OSBPL1A: variants seen among roughly 807,000 people sequenced by gnomAD.
OSBPL1A encodes the protein oxysterol-binding protein-related protein 1.
A neutral mutation model predicts 137.1 loss-of-function variants in OSBPL1A; 80 were observed. The observed-to-expected ratio is 0.58, with a 90% confidence interval of 0.49 to 0.70. The LOEUF is 0.70. Among genes scored for constraint, OSBPL1A ranks in the 30% least tolerant of loss-of-function variants. The probability of loss-of-function intolerance (pLI) is 0.00; values close to 1 mark genes in which losing one functional copy is unlikely to be tolerated. For synonymous variants in OSBPL1A, 365 were observed against 389.7 expected, an observed-to-expected ratio of 0.94 and a Z score of 0.75; for missense variants, 970 against 1,129.4, an observed-to-expected ratio of 0.86 and a Z score of 2.02.
At chr18:24,267,695 A>T (rs2089612758) in intron 15 of OSBPL1A, among the ~76,000 whole-genome samples, 2 of 152,220 alleles carry the variant, frequency 1.3e-5, no homozygotes, top group Admixed American at 6.5e-5. Flanking sequence ...CCCTTTTAAT[A>T]GACACCAAAG....
intron 1 of OSBPL1A, among the ~76,000 whole-genome samples, chr18:24,394,305 C>A (rs1907578499): frequency 6.6e-6 from 1 of 152,152 alleles, no homozygotes; most frequent in African/African-American, 2.4e-5. Flanking sequence ...TTATCTTACC[C>A]ATATTCGGTT....
chr18:24,255,121 G>A (rs2089231797), intron 15 of OSBPL1A, among the ~76,000 whole-genome samples: 1 of 152,032 alleles, frequency 6.6e-6, no homozygotes, highest in African/African-American at 2.4e-5. Flanking sequence ...AAATTCTTAA[G>A]ACACATAAAC....
At chr18:24,191,272 C>T (rs889911141) in intron 18 of OSBPL1A, among the ~76,000 whole-genome samples, 12 of 152,162 alleles carry the variant, frequency 7.9e-5, no homozygotes, top group Admixed American at 6.5e-4. Context: ...AAATCACACA[C>T]ACAAAAATTC....
intron 4 of OSBPL1A, among the ~76,000 whole-genome samples, chr18:24,354,465 G>A (rs1337800429): frequency 1.3e-5 from 2 of 152,136 alleles, no homozygotes; most frequent in East Asian, 1.9e-4. Context: ...CTCTGCAGAG[G>A]TAACACCGAA....
At chr18:24,301,825 T>C (rs1020140456) in intron 14 of OSBPL1A, among the ~76,000 whole-genome samples, 8 of 152,372 alleles carry the variant, frequency 5.3e-5, no homozygotes, top group Non-Finnish European at 7.3e-5. Context: ...CTTGGACAGA[T>C]ACAGAATACT....
chr18:24,183,429 C>A (rs1234198213), intron 18 of OSBPL1A, among the ~76,000 whole-genome samples: 1 of 149,904 alleles, frequency 6.7e-6, no homozygotes, highest in Non-Finnish European at 1.5e-5. Context: ...TTTTCTTTTT[C>A]TTTTTCTTTT....
intron 17 of OSBPL1A, among the ~76,000 whole-genome samples, chr18:24,200,561 CAAAAA>C (rs893025554): frequency 5.7e-5 from 4 of 70,462 alleles, no homozygotes; most frequent in Admixed American, 1.7e-4. Context: ...GACTCCGTGT[CAAAAA>C]AAAAAAAAAA....
intron 17 of OSBPL1A, among the ~76,000 whole-genome samples, chr18:24,202,893 C>T (rs2087260767): frequency 6.6e-6 from 1 of 152,162 alleles, no homozygotes; most frequent in African/African-American, 2.4e-5. Context: ...ATAATTAAAA[C>T]AATCTTCTCG....
At chr18:24,186,572 T>C (rs563891533) in intron 18 of OSBPL1A, among the ~76,000 whole-genome samples, 63 of 152,242 alleles carry the variant, frequency 4.1e-4, no homozygotes, top group African/African-American at 1.5e-3. Context: ...CCAGATTTCC[T>C]AAAATGAACA....
At chr18:24,318,524 TAA>T (rs2090778925) in intron 9 of OSBPL1A, 75 bp downstream of exon 9, 2 of 1,250,816 alleles carry the variant, frequency 1.6e-6, no homozygotes, top group South Asian at 2.6e-5. Context: ...AATGATTTTT[TAA>T]AAGTTTTAAA....
intron 15 of OSBPL1A, among the ~76,000 whole-genome samples, chr18:24,262,521 T>A (rs2038946709): frequency 6.6e-6 from 1 of 152,326 alleles, no homozygotes; most frequent in Non-Finnish European, 1.5e-5. Context: ...GTTTTGCTGA[T>A]GAAAATAACT....
Position 24,376,038 on chromosome 18 carries a change from T to C in OSBPL1A, c.121+1375A>G, listed in dbSNP as rs546439340. ...TGAGTGTTACAGCTCATAAAAGCAGTGTGGACCCAAAGAGTGAGCAGTAGC... is the reference window on the plus strand; with the variant it reads ...TGAGTGTTACAGCTCATAAAAGCAGCGTGGACCCAAAGAGTGAGCAGTAGC... On this transcript the variant is annotated intron_variant, in intron 2 of 27. Coordinates refer to ENST00000319481, the MANE Select transcript of OSBPL1A (RefSeq NM_080597.4). Among the ~76,000 whole-genome samples, 646 of 152,318 alleles carry C rather than the reference T, an allele frequency of 4.2e-3. 5 individuals carry two copies. The highest frequency in any genetic ancestry group is 0.015 in the African/African-American group (615 of 41,576).
intron 17 of OSBPL1A, among the ~76,000 whole-genome samples, chr18:24,212,291 C>T (rs1159661104): frequency 6.6e-6 from 1 of 151,740 alleles, no homozygotes; most frequent in Non-Finnish European, 1.5e-5. Context: ...ATCTCCTGAC[C>T]TCGTGATCCA....
At chr18:24,396,580 A>G (rs768368250) in intron 1 of OSBPL1A, among the ~76,000 whole-genome samples, 1 of 152,122 alleles carries the variant, frequency 6.6e-6, no homozygotes, top group Non-Finnish European at 1.5e-5. Context: ...TTTTCCCCCT[A>G]TAAACTGTAG....
At chr18:24,279,321 T>C (rs2089909902) in intron 15 of OSBPL1A, among the ~76,000 whole-genome samples, 1 of 151,368 alleles carries the variant, frequency 6.6e-6, no homozygotes, top group South Asian at 2.1e-4. Flanking sequence ...CCCAGCTACT[T>C]GTGAGGCTGA....
intron 1 of OSBPL1A, among the ~76,000 whole-genome samples, chr18:24,396,362 G>A (rs1192937455): frequency 6.6e-6 from 1 of 152,056 alleles, no homozygotes; most frequent in East Asian, 1.9e-4. Flanking sequence ...GATTCACAAC[G>A]AGATATTTAG....
chr18:24,187,710 C>T (rs1471371765), intron 18 of OSBPL1A, among the ~76,000 whole-genome samples: 2 of 152,230 alleles, frequency 1.3e-5, no homozygotes, highest in Non-Finnish European at 1.5e-5. Context: ...AAAGCAAGTA[C>T]GACTCAATGG....
At chr18:24,345,931 G>A (rs998745492) in intron 4 of OSBPL1A, among the ~76,000 whole-genome samples, 9 of 152,118 alleles carry the variant, frequency 5.9e-5, no homozygotes, top group African/African-American at 1.9e-4. Context: ...CTAGAGCAAT[G>A]CTATTTGTTT....
intron 14 of OSBPL1A, among the ~76,000 whole-genome samples, chr18:24,290,972 C>G (rs949068750): frequency 6.6e-6 from 1 of 152,098 alleles, no homozygotes; most frequent in Non-Finnish European, 1.5e-5. Flanking sequence ...AAATTTAAAA[C>G]TAGTAGCCCA....
Sources: gnomAD v4.1 joint callset for allele counts (sites outside exome capture counted in the v4.1 genomes callset) on GRCh38, gnomAD v4.1.1 for gene constraint, MANE v1.5 for transcripts, NCBI Gene and HGNC (gene_info 2026-07-23, HGNC 2026-07-21) for gene names.